Variants in ASB7 observed in about 807,000 individuals in gnomAD.
ASB7 encodes ankyrin repeat and SOCS box protein 7.
Under a neutral mutation model 32.5 loss-of-function variants are expected in ASB7, and 4 were observed. The observed-to-expected ratio is 0.12, with a 90% CI of 0.06 to 0.28. The LOEUF is 0.28. Among genes scored for constraint, ASB7 ranks in the 10% least tolerant of loss-of-function variants. ASB7 has a pLI of 1.00. For missense variants in ASB7, 181 were observed against 407.1 expected (o/e 0.44, Z 4.78); for synonymous variants, 172 against 155.6 (o/e 1.11, Z -0.78).
intron 4 of ASB7, among the ~76,000 whole-genome samples, chr15:100,626,977 T>C (rs910704373): frequency 4.6e-5 from 7 of 152,150 alleles, no homozygotes; most frequent in African/African-American, 1.4e-4. Flanking sequence ...TTTGAGATGA[T>C]GGAATGTTCT....
At chr15:100,616,403 T>C (rs982282696) in intron 4 of ASB7, among the ~76,000 whole-genome samples, 2 of 152,196 alleles carry the variant, frequency 1.3e-5, no homozygotes, top group Non-Finnish European at 2.9e-5. Flanking sequence ...GTGCCCTTGG[T>C]GTCTTGTTTA....
intron 2 of ASB7, among the ~76,000 whole-genome samples, chr15:100,606,829 A>G (rs1230530775): frequency 2.0e-5 from 3 of 152,116 alleles, no homozygotes; most frequent in African/African-American, 7.2e-5. Context: ...TCCTGAGTCC[A>G]CAAAAACATA....
At position 100,620,446 on chromosome 15, in the gene ASB7, C is replaced by T. The variant is rs559188381; in HGVS notation, c.211+8019C>T. Among the ~76,000 whole-genome samples the T allele has an allele frequency of 5.9e-5, 9 of 152,302 alleles. No homozygotes were observed. The East Asian group carries it at 1.7e-3, about 29-fold the overall frequency. On this transcript the variant is annotated intron_variant, in intron 4 of 5. Transcript: ENST00000332783. ...CTTTGCTGCTTTACCTTCAAGCATC[C>T]TGCGTCAAAATGATGAAAACTTAGG...
chr15:100,621,372 G>A lies in ASB7; in HGVS notation c.212-8065G>A, dbSNP rs563805280. 2.6e-5 allele frequency among the ~76,000 whole-genome samples: 4 copies of A among 152,218 alleles called. No homozygotes were observed. In the South Asian group the frequency reaches 8.3e-4, roughly 32 times the overall value. On this transcript the variant is annotated intron_variant, in intron 4 of 5. Coordinates refer to ENST00000332783, the MANE Select transcript of ASB7 (RefSeq NM_198243.3). ...TTTCATTGTATATAATTTTTCAAAC[G>A]TAGGCATTCTCAATGCCCAAATATA...
chr15:100,648,845 C>T lies in ASB7; in HGVS notation c.*383C>T, dbSNP rs1267096215. On this transcript the variant is annotated 3_prime_UTR_variant, in exon 6 of 6. Transcript: ENST00000332783. ...CACGGTATTCTAAACCAGCAGAGCACTTGTTAACGTTTGGAGGCACAGTTT... is the reference window on the plus strand; with the variant it reads ...CACGGTATTCTAAACCAGCAGAGCATTTGTTAACGTTTGGAGGCACAGTTT... The T allele has an allele frequency of 6.5e-6, 1 of 154,830 alleles. No individual in the cohort carries two copies. The highest frequency in any genetic ancestry group is 2.4e-5 in the African/African-American group (1 of 41,494). The allele number at this position is 154,830 out of a possible 1,614,324, so 9.6% of individuals were successfully genotyped here.
intron 4 of ASB7, among the ~76,000 whole-genome samples, chr15:100,620,584 G>A (rs2039782693): frequency 2.5e-5 from 2 of 79,992 alleles, no homozygotes; most frequent in Admixed American, 1.3e-4. Flanking sequence ...TAGCACGTCT[G>A]TACAAACCCT....
chr15:100,611,684 T>TG (rs1322524664), intron 3 of ASB7, among the ~76,000 whole-genome samples: 1 of 151,072 alleles, frequency 6.6e-6, no homozygotes, highest in Non-Finnish European at 1.5e-5. Context: ...TTCACTATGT[T>TG]GGCCAGGCTG....
At chr15:100,630,086 G>A (rs1376337864) in intron 5 of ASB7, 44 bp downstream of exon 5, 4 of 1,487,366 alleles carry the variant, frequency 2.7e-6, no homozygotes, top group Admixed American at 4.7e-5. Context: ...TTAAAAATTT[G>A]CATCTTCTGA....
At chr15:100,638,822 C>T (rs190131668) in intron 5 of ASB7, among the ~76,000 whole-genome samples, 2 of 152,266 alleles carry the variant, frequency 1.3e-5, no homozygotes, top group Admixed American at 6.5e-5. Context: ...GGTGTTTGTC[C>T]TAATGCCCTC....
At chr15:100,630,914 G>A (rs2039878466) in intron 5 of ASB7, among the ~76,000 whole-genome samples, 2 of 152,108 alleles carry the variant, frequency 1.3e-5, no homozygotes, top group South Asian at 4.1e-4. Context: ...TTCCTCACTG[G>A]TTTTGAGCCT....
rs1358640167 is a variant in ASB7 at position 100,648,419 on chromosome 15, A to G, written c.914A>G (p.Lys305Arg). Residue 305 changes from lysine to arginine, a missense_variant, in exon 6 of 6, where the codon AAG becomes AGG. Transcript: ENST00000332783. ...LKLLDELPIA[K>R]VMKDYLKHKF... Reference sequence around the variant, plus strand: ...CTACTTGATGAACTACCAATTGCCAAGGTCATGAAAGACTACTTAAAACAC... The same window carrying G: ...CTACTTGATGAACTACCAATTGCCAGGGTCATGAAAGACTACTTAAAACAC... The G allele has an allele frequency of 6.2e-7, 1 of 1,609,984 alleles. No homozygotes were observed. Among genetic ancestry groups the G allele is most frequent in the Non-Finnish European group, 8.5e-7 (1 of 1,176,510 alleles).
chr15:100,612,954 T>A (rs2039709762), intron 4 of ASB7, among the ~76,000 whole-genome samples: 1 of 151,976 alleles, frequency 6.6e-6, no homozygotes, highest in Non-Finnish European at 1.5e-5. Context: ...ATTGGTTATC[T>A]GAGATCTAAT....
intron 5 of ASB7, among the ~76,000 whole-genome samples, chr15:100,632,064 C>A (rs1395333877): frequency 6.6e-6 from 1 of 152,226 alleles, no homozygotes; most frequent in Non-Finnish European, 1.5e-5. Flanking sequence ...TGTCCCTGAG[C>A]CCTCAGAGCT....
chr15:100,612,579 C>A (rs2039706711), intron 4 of ASB7, 152 bp downstream of exon 4: 1 of 753,958 alleles, frequency 1.3e-6, no homozygotes, highest in Non-Finnish European at 2.1e-6. Context: ...TATAAGTGTG[C>A]CTTTTTGTTT....
intron 4 of ASB7, among the ~76,000 whole-genome samples, chr15:100,628,394 G>A (rs1194673059): frequency 5.9e-5 from 9 of 152,190 alleles, no homozygotes; most frequent in Non-Finnish European, 1.3e-4. Context: ...GTGTGTGTAT[G>A]TATGTGTAGG....
chr15:100,619,696 G>A (rs1370575629), intron 4 of ASB7, among the ~76,000 whole-genome samples: 1 of 152,126 alleles, frequency 6.6e-6, no homozygotes, highest in African/African-American at 2.4e-5. Context: ...ATACCCGCCT[G>A]GTAAAACCAC....
At chr15:100,630,341 A>G in intron 5 of ASB7, 1 of 378,052 alleles carries the variant, frequency 2.6e-6, no homozygotes, top group South Asian at 7.5e-5. Flanking sequence ...GTGTTAGAAC[A>G]AGGCAATTCC....
At chr15:100,625,653 T>TA (rs952355943) in intron 4 of ASB7, among the ~76,000 whole-genome samples, 7 of 152,188 alleles carry the variant, frequency 4.6e-5, no homozygotes, top group African/African-American at 1.7e-4. Flanking sequence ...AGTGGCGTTC[T>TA]AATCAGAATT....
intron 2 of ASB7, among the ~76,000 whole-genome samples, chr15:100,606,735 C>T (rs2039648201): frequency 6.6e-6 from 1 of 152,006 alleles, no homozygotes; most frequent in African/African-American, 2.4e-5. Flanking sequence ...GAAAGTCTTC[C>T]TTGTTTGTTT....
Sources: gnomAD v4.1 joint callset for allele counts (sites outside exome capture counted in the v4.1 genomes callset) on GRCh38, gnomAD v4.1.1 for gene constraint, MANE v1.5 for transcripts, NCBI Gene and HGNC (gene_info 2026-07-23, HGNC 2026-07-21) for gene names.